Variants in PALM3 observed in about 807,000 individuals in gnomAD.
The protein encoded by PALM3 is paralemmin 3.
PALM3 carries 20 observed loss-of-function variants against 27.9 expected under a neutral mutation model. That is an observed-to-expected ratio of 0.72 (90% CI 0.50 to 1.04). The LOEUF is 1.04. PALM3 is among the 50% of genes least tolerant of loss of function. PALM3 has a pLI of 0.00. For missense variants in PALM3, 814 were observed against 869.4 expected (o/e 0.94, Z 0.80); for synonymous variants, 328 against 352.7 (o/e 0.93, Z 0.79).
chr19:14,056,631 G>A (rs1000385823), intron 4 of PALM3, 31 bp downstream of exon 4: 3 of 1,551,640 alleles, frequency 1.9e-6, no homozygotes, highest in Non-Finnish European at 2.6e-6. Flanking sequence ...CTGGGGCAGG[G>A]TTCGGGCAGA....
chr19:14,055,486 A>T (rs773267601), intron 5 of PALM3, 61 bp from the exon 6 acceptor site: 16 of 1,526,552 alleles, frequency 1.0e-5, no homozygotes, highest in Non-Finnish European at 1.4e-5. Flanking sequence ...GCCTCCCTGC[A>T]TGCTAGGCTC....
At chr19:14,058,527 C>A (rs1282733277) in intron 2 of PALM3, among the ~76,000 whole-genome samples, 1 of 150,732 alleles carries the variant, frequency 6.6e-6, no homozygotes, top group Non-Finnish European at 1.5e-5. Flanking sequence ...GCCACGGGGT[C>A]CAGAGATACT....
chr19:14,054,523 C>G lies in PALM3; in HGVS notation c.1149G>C (p.Gly383=). The G allele has an allele frequency of 6.4e-7, 1 of 1,551,494 alleles. No individual in the cohort carries two copies. Among genetic ancestry groups the G allele is most frequent in the Non-Finnish European group, 8.7e-7 (1 of 1,146,894 alleles). The part of the protein sequence containing the change: ...VEGLEGPEVA[G]RERGDESPLG... ...GCGGGCTTTCATCTCCTCTCTCCCTCCCTGCCACCTCGGGCCCTTCCAACC... is the reference window on the plus strand; with the variant it reads ...GCGGGCTTTCATCTCCTCTCTCCCTGCCTGCCACCTCGGGCCCTTCCAACC... The change falls in exon 7 of 7, where the codon GGG becomes GGC. Residue 383 remains glycine, a synonymous_variant. Transcript: ENST00000669674.
In PALM3 at chr19:14,054,516, T is replaced by G; in HGVS notation, c.1156A>C (p.Arg386=). The part of the protein sequence containing the change: ...LEGPEVAGRE[R]GDESPLGAEG... Reference sequence around the variant, plus strand: ...GCCCCCAGCGGGCTTTCATCTCCTCTCTCCCTCCCTGCCACCTCGGGCCCT... The same window carrying G: ...GCCCCCAGCGGGCTTTCATCTCCTCGCTCCCTCCCTGCCACCTCGGGCCCT... The change falls in exon 7 of 7, where the codon AGA becomes CGA. Residue 386 remains arginine, a synonymous_variant. Transcript: ENST00000669674. The G allele has an allele frequency of 6.4e-7, 1 of 1,550,902 alleles. No homozygotes were observed. Among genetic ancestry groups the G allele is most frequent in the Non-Finnish European group, 8.7e-7 (1 of 1,146,710 alleles).
In PALM3 at chr19:14,056,492, C is replaced by G; in HGVS notation, c.336G>C (p.Leu112=). 1.3e-6 allele frequency: 2 copies of G among 1,551,656 alleles called. No homozygotes were observed. Among genetic ancestry groups the G allele is most frequent in the Non-Finnish European group, 1.7e-6 (2 of 1,146,952 alleles). The change falls in exon 5 of 7, where the codon CTG becomes CTC. Residue 112 remains leucine (L), a synonymous_variant. Transcript: ENST00000669674. Reference sequence around the variant, plus strand: ...GGGCACCTGTGGAAGCACTTTGCAACAGTTGCAGCTGGGACTGGAGTCTGA... The same window carrying G: ...GGGCACCTGTGGAAGCACTTTGCAAGAGTTGCAGCTGGGACTGGAGTCTGA... ...SLFTLQSQLQ[L]LQSASTGAQH...
chr19:14,054,971 C>T lies in PALM3; in HGVS notation c.701G>A (p.Ser234Asn), dbSNP rs1260189031. 7 of 1,549,248 alleles carry T rather than the reference C, an allele frequency of 4.5e-6. No individual in the cohort carries two copies. The highest frequency in any genetic ancestry group is 4.9e-5 in the East Asian group (2 of 40,912). The change falls in exon 7 of 7, where the codon AGT becomes AAT. Residue 234 changes from serine to asparagine, a missense_variant. Transcript: ENST00000669674. ...GGCCCTCAGCCCTTCCCACACCACACTCACCACGCCCCCTCCTTTGGCCTC... is the reference window on the plus strand; with the variant it reads ...GGCCCTCAGCCCTTCCCACACCACATTCACCACGCCCCCTCCTTTGGCCTC... ...VGEAKGGGVVSVVWEGLRATE... is the reference protein window; with the variant it reads ...VGEAKGGGVVNVVWEGLRATE...
At position 14,054,980 on chromosome 19, in the gene PALM3, C is replaced by G. The variant is rs1353823490; in HGVS notation, c.692G>C (p.Gly231Ala). Reference protein sequence around the residue: ...EGRVGEAKGGGVVSVVWEGLR... With the variant: ...EGRVGEAKGGAVVSVVWEGLR... ...CCCTTCCCACACCACACTCACCACG[C>G]CCCCTCCTTTGGCCTCACCCACCCG... The change falls in exon 7 of 7, where the codon GGC becomes GCC. Residue 231 changes from glycine (G) to alanine (A), a missense_variant. Coordinates refer to ENST00000669674, the MANE Select transcript of PALM3 (RefSeq NM_001145028.2). The G allele has an allele frequency of 6.5e-7, 1 of 1,549,024 alleles. No individual in the cohort carries two copies. Among genetic ancestry groups the G allele is most frequent in the African/African-American group, 1.4e-5 (1 of 73,038 alleles).
rs2145708819 is a variant in PALM3, at chr19:14,062,071, T to G, written c.-91A>C. On this transcript the variant is annotated 5_prime_UTR_variant, in exon 1 of 7. Transcript: ENST00000669674. ...CCCCGGAGGCTGTGACTTGGCTGCC[T>G]GGAGTGGGGGGGGGCTGCGGGCGGG... 7 of 818,036 alleles carry G rather than the reference T, an allele frequency of 8.6e-6. No individual in the cohort carries two copies. The highest frequency in any genetic ancestry group is 8.9e-6 in the Non-Finnish European group (6 of 676,540). 50.7% of individuals were successfully genotyped at this position (818,036 alleles called of 1,614,324 possible). A position where few individuals can be genotyped will look rare whatever the true frequency, so the allele number is the denominator to read the frequency against.
Position 14,053,712 on chromosome 19 carries a change from CAG to C in PALM3, c.1958_1959del (p.Pro653ArgfsTer11), listed in dbSNP as rs1568505670. 4 of 1,514,576 alleles carry C rather than the reference CAG, an allele frequency of 2.6e-6. No homozygotes were observed. The highest frequency in any genetic ancestry group is 2.3e-5 in the Admixed American group (1 of 44,392). 93.8% of individuals were successfully genotyped at this position (1,514,576 alleles called of 1,614,324 possible). ...EGPSANPSAH[P>X]VPTYAPARQP... ...TGCCGGGCAGGCGCGTAGGTGGGCACAGGGTGGGCACTGGGGTTGGCGCTGGG... is the reference window on the plus strand; with the variant it reads ...TGCCGGGCAGGCGCGTAGGTGGGCACGGTGGGCACTGGGGTTGGCGCTGGG... On this transcript the variant is annotated frameshift_variant, in exon 7 of 7. Coordinates refer to ENST00000669674, the MANE Select transcript of PALM3 (RefSeq NM_001145028.2). LOFTEE classifies it high-confidence loss of function.
At position 14,053,411 on chromosome 19, in the gene PALM3, CAGA is replaced by C; in HGVS notation, c.*191_*193del. The C allele has an allele frequency of 1.9e-6, 1 of 519,836 alleles. No homozygotes were observed. The highest frequency in any genetic ancestry group is 3.2e-6 in the Non-Finnish European group (1 of 312,276). 32.2% of individuals were successfully genotyped at this position (519,836 alleles called of 1,614,324 possible). A position where few individuals can be genotyped will look rare whatever the true frequency, so the allele number is the denominator to read the frequency against. ...ATTTTCAAGTATAAAGGCTTCATCG[CAGA>C]AGGAGGCCAGGGTTACAGGCAGTGG... On this transcript the variant is annotated 3_prime_UTR_variant, in exon 7 of 7. Transcript: ENST00000669674.
rs1441848179 is a variant in PALM3, at chr19:14,057,732, G to T, written c.91-301C>A. The T allele has an allele frequency of 4.2e-5, 7 of 167,294 alleles. No homozygotes were observed. The Admixed American group carries it at 4.5e-4, about 11-fold the overall frequency. The allele number at this position is 167,294 out of a possible 1,614,324, so 10.4% of individuals were successfully genotyped here. On this transcript the variant is annotated intron_variant, in intron 2 of 6. Transcript: ENST00000669674. ...GGGGGTCTGTGGATGGGGGGTGTAGGGGGTGGGGCCTTGGGACAGCTATCG... is the reference window on the plus strand; with the variant it reads ...GGGGGTCTGTGGATGGGGGGTGTAGTGGGTGGGGCCTTGGGACAGCTATCG...
Position 14,054,567 on chromosome 19 carries a change from C to T in PALM3, c.1105G>A (p.Glu369Lys). The T allele has an allele frequency of 6.4e-7, 1 of 1,551,926 alleles. No individual in the cohort carries two copies. The highest frequency in any genetic ancestry group is 8.7e-7 in the Non-Finnish European group (1 of 1,147,054). ...VERVTLSEEW[E>K]ELLVEGLEGP... is the part of the protein sequence containing the mutation. ...TCCAACCCCTCCACCAGCAGCTCCT[C>T]CCACTCTTCACTGAGGGTCACTCTC... is the stretch of plus-strand genomic sequence containing the variant. The change falls in exon 7 of 7, where the codon GAG becomes AAG. Residue 369 changes from glutamate (E) to lysine (K), a missense_variant. Coordinates refer to ENST00000669674, the MANE Select transcript of PALM3 (RefSeq NM_001145028.2).
In PALM3 at chr19:14,054,324, C is replaced by T. The variant is rs1391577769; in HGVS notation, c.1348G>A (p.Glu450Lys). 7.1e-6 allele frequency: 11 copies of T among 1,552,282 alleles called. No individual in the cohort carries two copies. The highest frequency in any genetic ancestry group is 9.6e-6 in the Non-Finnish European group (11 of 1,147,130). Residue 450 changes from glutamate (E) to lysine (K), a missense_variant, in exon 7 of 7, where the codon GAG (glutamate) becomes AAG (lysine). Glu to Lys is a moderately conservative substitution (Grantham distance 56, BLOSUM62 1). Coordinates refer to ENST00000669674, the MANE Select transcript of PALM3 (RefSeq NM_001145028.2). ...RKGGEKKLEL[E>K]SRGSAEKLGT... ...AGCTTTTCTGCACTTCCTCTGCTCT[C>T]CAGCTCCAACTTCTTCTCTCCTCCT...
intron 2 of PALM3, among the ~76,000 whole-genome samples, chr19:14,058,421 T>C (rs1976356523): frequency 7.1e-6 from 1 of 139,960 alleles, no homozygotes; most frequent in African/African-American, 2.7e-5. Context: ...GAGATGGGGA[T>C]CCAAAATGGG....
chr19:14,060,093 T>C (rs1976391289), intron 1 of PALM3, among the ~76,000 whole-genome samples: 1 of 151,988 alleles, frequency 6.6e-6, no homozygotes, highest in Non-Finnish European at 1.5e-5. Flanking sequence ...GTTGACCACG[T>C]GTCACAGGCC....
In PALM3 at chr19:14,062,045, G is replaced by GC; in HGVS notation, c.-66dup. ...ACCCACCACCCGCTTGCCTGAAGGT[G>GC]CCCCGGAGGCTGTGACTTGGCTGCC... On this transcript the variant is annotated 5_prime_UTR_variant, in exon 1 of 7. Coordinates refer to ENST00000669674, the MANE Select transcript of PALM3 (RefSeq NM_001145028.2). 1.0e-6 allele frequency: 1 copy of GC among 962,086 alleles called. No homozygotes were observed. Among genetic ancestry groups the GC allele is most frequent in the Non-Finnish European group, 1.2e-6 (1 of 808,614 alleles). The allele number at this position is 962,086 out of a possible 1,614,324, so 59.6% of individuals were successfully genotyped here.
chr19:14,056,540 G>T, intron 4 of PALM3, 27 bp from the exon 5 acceptor site: 1 of 1,549,164 alleles, frequency 6.5e-7, no homozygotes, highest in South Asian at 1.2e-5. Context: ...GCTGCTAGGA[G>T]CTGGGCCCCC....
chr19:14,054,649 A>G lies in PALM3; in HGVS notation c.1023T>C (p.Pro341=). 1 of 1,551,290 alleles carries G rather than the reference A, an allele frequency of 6.4e-7. No homozygotes were observed. Among genetic ancestry groups the G allele is most frequent in the Non-Finnish European group, 8.7e-7 (1 of 1,146,742 alleles). The change falls in exon 7 of 7, where the codon CCT becomes CCC. Residue 341 remains proline (P), a synonymous_variant. Transcript: ENST00000669674. ...IEGEDVPQGS[P]EGDGQGGSGG... ...CAGAGCCTCCCTGCCCATCACCCTCAGGGCTGCCCTGGGGCACATCTTCCC... is the reference window on the plus strand; with the variant it reads ...CAGAGCCTCCCTGCCCATCACCCTCGGGGCTGCCCTGGGGCACATCTTCCC...
At chr19:14,058,653 G>A (rs918939303) in intron 2 of PALM3, among the ~76,000 whole-genome samples, 1 of 151,886 alleles carries the variant, frequency 6.6e-6, no homozygotes, top group African/African-American at 2.4e-5. Flanking sequence ...GAAAGTTGGG[G>A]TTCAGGGAGA....
Sources: allele counts gnomAD v4.1 joint callset (sites outside exome capture counted in the v4.1 genomes callset), GRCh38; gene constraint gnomAD v4.1.1; transcripts MANE v1.5; gene names NCBI Gene and HGNC (gene_info 2026-07-23, HGNC 2026-07-21).